Variants in EFHC2 observed in about 807,000 individuals in gnomAD.
The protein encoded by EFHC2 is EF-hand domain containing 2.
A neutral mutation model predicts 52.7 loss-of-function variants in EFHC2; 18 were observed. The ratio of observed to expected loss-of-function variants is 0.34; its 90% CI spans 0.24 to 0.51. The LOEUF (loss-of-function observed/expected upper bound fraction) is 0.51. Among genes scored for constraint, EFHC2 ranks in the 20% least tolerant of loss-of-function variants. The probability of loss-of-function intolerance (pLI) is 0.97; values close to 1 mark genes in which losing one functional copy is unlikely to be tolerated. For synonymous variants in EFHC2, 203 were observed against 204.1 expected, an observed-to-expected ratio of 0.99 and a Z score of 0.04; for missense variants, 513 against 562.5, an observed-to-expected ratio of 0.91 and a Z score of 0.89.
At chrX:44,149,005 G>A (rs971122445) in intron 14 of EFHC2, 109 bp from the exon 15 acceptor site, 1 of 628,199 alleles carries the variant, frequency 1.6e-6, no homozygotes. Context: ...ATCTACTTTA[G>A]GTTCATAAGG....
intron 1 of EFHC2, among the ~76,000 whole-genome samples, chrX:44,338,425 CGA>C (rs1364988552): frequency 9.1e-6 from 1 of 109,868 alleles, no homozygotes; most frequent in Admixed American, 9.8e-5. Context: ...GTCTTGAGCC[CGA>C]GAGGTTGAGG....
At chrX:44,250,087 C>A in intron 5 of EFHC2, 107 bp downstream of exon 5, 1 of 959,612 alleles carries the variant, frequency 1.0e-6, no homozygotes, top group Non-Finnish European at 1.4e-6. Context: ...AATACCTGCA[C>A]TAGTGCATGG....
chrX:44,311,934 T>C (rs886494597), intron 2 of EFHC2, among the ~76,000 whole-genome samples: 1 of 112,391 alleles, frequency 8.9e-6, no homozygotes, highest in Non-Finnish European at 1.9e-5. Flanking sequence ...AGACTCTTAG[T>C]TTCTATAGGA....
intron 11 of EFHC2, 147 bp downstream of exon 11, chrX:44,229,502 C>T (rs1022491364): frequency 1.6e-5 from 14 of 855,547 alleles, no homozygotes; most frequent in Non-Finnish European, 2.1e-5. Flanking sequence ...TATTCGTGGC[C>T]AAAACTTTAC....
intron 11 of EFHC2, among the ~76,000 whole-genome samples, chrX:44,200,233 A>T (rs1341223938): frequency 9.0e-6 from 1 of 111,721 alleles, no homozygotes; most frequent in Non-Finnish European, 1.9e-5. Context: ...TAAATGGTCA[A>T]CCCAAGCAAC....
intron 14 of EFHC2, among the ~76,000 whole-genome samples, chrX:44,149,341 C>A (rs750699922): frequency 4.5e-5 from 5 of 111,380 alleles, no homozygotes; most frequent in Non-Finnish European, 9.4e-5. Context: ...GCTGGACTTG[C>A]GGACTAAGAG....
chrX:44,150,614 C>G (rs959796928), intron 14 of EFHC2, among the ~76,000 whole-genome samples: 1 of 111,660 alleles, frequency 9.0e-6, no homozygotes, highest in African/African-American at 3.3e-5. Context: ...GTAAGAAAAT[C>G]AATCTGGAGG....
rs2147325026 is a variant in EFHC2, at chrX:44,235,448, C to T, written c.1281-1G>A. 2.5e-6 allele frequency: 3 copies of T among 1,182,280 alleles called. No homozygotes were observed. In the East Asian group the frequency reaches 9.0e-5, roughly 36 times the overall value. ...GAGTATATTGCTTTTGGAGCCATAG[C>T]TAAATGGAAGAGAAATGAGAGTTAG... is the stretch of plus-strand genomic sequence containing the variant. On this transcript the variant is annotated splice_acceptor_variant, in intron 8 of 14. Transcript: ENST00000420999. LOFTEE classifies it high-confidence loss of function.
chrX:44,205,441 C>T (rs1333040955), intron 11 of EFHC2, among the ~76,000 whole-genome samples: 1 of 109,752 alleles, frequency 9.1e-6, no homozygotes, highest in Non-Finnish European at 1.9e-5. Context: ...AAGACCCAAC[C>T]TTCTCCTGTT....
At chrX:44,232,748 A>C (rs759278030) in intron 9 of EFHC2, 71 bp from the exon 10 acceptor site, 55 of 990,677 alleles carry the variant, frequency 5.6e-5, no homozygotes, top group Non-Finnish European at 8.2e-6. Flanking sequence ...CTTCAGAGTT[A>C]CTTTATCTTC....
chrX:44,314,541 A>C (rs1279876921), intron 1 of EFHC2, among the ~76,000 whole-genome samples: 2 of 110,910 alleles, frequency 1.8e-5, no homozygotes, highest in African/African-American at 6.6e-5. Context: ...GGTGAGCTGT[A>C]GCTGGCTCTG....
intron 13 of EFHC2, among the ~76,000 whole-genome samples, chrX:44,175,817 T>C (rs1334935160): frequency 2.7e-5 from 3 of 111,509 alleles, no homozygotes; most frequent in Non-Finnish European, 5.7e-5. Flanking sequence ...ACAGGAGAAC[T>C]GATGTGTTTT....
At chrX:44,240,297 A>G (rs1265353756) in intron 8 of EFHC2, among the ~76,000 whole-genome samples, 1 of 111,546 alleles carries the variant, frequency 9.0e-6, no homozygotes, top group Non-Finnish European at 1.9e-5. Context: ...AGTGGACAGA[A>G]AGAACAAAAT....
At chrX:44,183,133 A>C (rs1225572479) in intron 11 of EFHC2, among the ~76,000 whole-genome samples, 2 of 111,921 alleles carry the variant, frequency 1.8e-5, no homozygotes, top group Non-Finnish European at 3.8e-5. Flanking sequence ...AACTAAAAAA[A>C]AATTAGTTTT....
chrX:44,231,792 T>C (rs2037279822), intron 10 of EFHC2, among the ~76,000 whole-genome samples: 1 of 112,373 alleles, frequency 8.9e-6, no homozygotes, highest in South Asian at 3.7e-4. Context: ...GATAGATTTT[T>C]CCATATTAGG....
At chrX:44,320,219 G>C (rs898867930) in intron 1 of EFHC2, among the ~76,000 whole-genome samples, 1 of 112,164 alleles carries the variant, frequency 8.9e-6, no homozygotes, top group Non-Finnish European at 1.9e-5. Context: ...CTGTGATTAC[G>C]GGCATGAGCC....
At chrX:44,156,555 TA>T (rs2036607467) in intron 14 of EFHC2, among the ~76,000 whole-genome samples, 1 of 111,693 alleles carries the variant, frequency 9.0e-6, no homozygotes, top group Non-Finnish European at 1.9e-5. Flanking sequence ...TCCCAAGGTG[TA>T]CCCAACTGCC....
intron 2 of EFHC2, among the ~76,000 whole-genome samples, chrX:44,290,224 T>A (rs1408046131): frequency 1.8e-5 from 2 of 111,175 alleles, no homozygotes; most frequent in East Asian, 2.9e-4. Context: ...TCTCCCCAGT[T>A]TTAATACTTT....
chrX:44,225,479 C>T (rs139201494), intron 11 of EFHC2, among the ~76,000 whole-genome samples: 2,902 of 110,634 alleles, frequency 0.026, 101 homozygotes, highest in African/African-American at 0.09. Context: ...GGGCTTGGAC[C>T]ACTGCCCAGA....
Sources: allele counts gnomAD v4.1 joint callset (sites outside exome capture counted in the v4.1 genomes callset), GRCh38; gene constraint gnomAD v4.1.1; transcripts MANE v1.5; gene names NCBI Gene and HGNC (gene_info 2026-07-23, HGNC 2026-07-21).